PSD: variants seen among roughly 807,000 people sequenced by gnomAD.
PSD encodes PH and SEC7 domain-containing protein 1.
A neutral mutation model predicts 91.6 loss-of-function variants in PSD; 32 were observed. That is an observed-to-expected ratio of 0.35 (90% CI 0.26 to 0.47). PSD has a LOEUF of 0.47. Among genes scored for constraint, PSD ranks in the 20% least tolerant of loss-of-function variants. PSD has a pLI of 1.00. For missense variants in PSD, 1,099 were observed against 1,373.9 expected, an observed-to-expected ratio of 0.80 and a Z score of 3.16; for synonymous variants, 532 against 569.3, an observed-to-expected ratio of 0.93 and a Z score of 0.93.
intron 10 of PSD, among the ~76,000 whole-genome samples, chr10:102,407,791 A>G (rs909510522): frequency 1.3e-5 from 2 of 152,078 alleles, no homozygotes; most frequent in African/African-American, 2.4e-5. Flanking sequence ...ATACACTATC[A>G]TGGCTCCCAA....
At position 102,404,309 on chromosome 10, in the gene PSD, C is replaced by T. The variant is rs966143658; in HGVS notation, c.2700+274G>A. Among the ~76,000 whole-genome samples, 9 of 146,982 alleles carry T rather than the reference C, an allele frequency of 6.1e-5. No homozygotes were observed. Among genetic ancestry groups the T allele is most frequent in the Admixed American group, 3.5e-4 (5 of 14,368 alleles). On this transcript the variant is annotated intron_variant, in intron 15 of 16. Coordinates refer to ENST00000020673, the MANE Select transcript of PSD (RefSeq NM_002779.5). This position sits in a 1 kb window ranked among gnomAD's most constrained non-coding sequence, Gnocchi z 5.7. ...CTTGCAGTGAGCTGAGATCGTGCCA[C>T]GGCACTCCCACCTGGGCAACAGAGC... is the stretch of plus-strand genomic sequence containing the variant.
At position 102,415,045 on chromosome 10, in the gene PSD, G is replaced by T; in HGVS notation, c.942C>A (p.Ala314=). The change falls in exon 4 of 17, where the codon GCC becomes GCA. Residue 314 remains alanine (A), a synonymous_variant. Transcript: ENST00000020673. ...VLAEREEADS[A]IESQPSSEGP... ...CCTCAGAGCTGGGCTGACTTTCGAT[G>T]GCCGAGTCGGCCTCCTCCCGCTCAG... 2 of 1,613,918 alleles carry T rather than the reference G, an allele frequency of 1.2e-6. No individual in the cohort carries two copies. The highest frequency in any genetic ancestry group is 1.7e-6 in the Non-Finnish European group (2 of 1,179,904).
Position 102,413,752 on chromosome 10 carries a change from C to A in PSD, c.1553+17G>T, listed in dbSNP as rs777676632. The A allele has an allele frequency of 6.3e-7, 1 of 1,594,478 alleles. No individual in the cohort carries two copies. ...CCCTGGGGGCCTCAAGTCTGAGGGA[C>A]AAAAGGAATTACTTACCTGCCAAGG... On this transcript the variant is annotated intron_variant, in intron 5 of 16. Transcript: ENST00000020673.
intron 1 of PSD, among the ~76,000 whole-genome samples, chr10:102,417,669 C>T (rs1274342672): frequency 6.6e-6 from 1 of 151,756 alleles, no homozygotes; most frequent in Non-Finnish European, 1.5e-5. Flanking sequence ...GGCTCCTACC[C>T]CCAATATATA....
chr10:102,417,187 T>C, intron 1 of PSD, 66 bp from the exon 2 acceptor site: 1 of 587,792 alleles, frequency 1.7e-6, no homozygotes. Flanking sequence ...ACAGCAGAGA[T>C]AGGGAAGGGA....
chr10:102,408,842 GC>G lies in PSD; in HGVS notation c.2092-1577del, dbSNP rs1305355930. ...CCGCCCTCGGTGCCTCCCACAAGCC[GC>G]CCCCTCGGTCGCCCCGCAACCTGGC... On this transcript the variant is annotated intron_variant, in intron 10 of 16. Coordinates refer to ENST00000020673, the MANE Select transcript of PSD (RefSeq NM_002779.5). The G allele has an allele frequency of 8.2e-6, 8 of 977,232 alleles. No homozygotes were observed. In the African/African-American group the frequency reaches 1.1e-4, roughly 13 times the overall value. 60.5% of individuals were successfully genotyped at this position (977,232 alleles called of 1,614,324 possible).
chr10:102,418,951 C>T (rs866266652), upstream of PSD: 276 of 344,262 alleles, frequency 8.0e-4, 2 homozygotes, highest in South Asian at 2.6e-3. Context: ...AACCTAAGAC[C>T]CGCCCCAGAC....
chr10:102,418,568 G>T, intron 1 of PSD, 133 bp downstream of exon 1: 1 of 377,648 alleles, frequency 2.6e-6, no homozygotes, highest in Non-Finnish European at 5.5e-6. Context: ...ACCAGGTAAA[G>T]GGGCCTCTGG....
chr10:102,415,947 T>A, intron 3 of PSD, 70 bp downstream of exon 3: 2 of 1,198,278 alleles, frequency 1.7e-6, no homozygotes, highest in South Asian at 2.8e-5. Context: ...GAAGGAGGGC[T>A]CCCTACTGAG....
chr10:102,407,384 T>C (rs535252493), intron 10 of PSD, 118 bp from the exon 11 acceptor site: 10 of 611,638 alleles, frequency 1.6e-5, no homozygotes, highest in South Asian at 4.1e-5. Flanking sequence ...GGCAGCAAGA[T>C]ATAATGACCA....
At position 102,416,216 on chromosome 10, in the gene PSD, A is replaced by G; in HGVS notation, c.655-97T>C. 1 of 1,203,698 alleles carries G rather than the reference A, an allele frequency of 8.3e-7. No homozygotes were observed. Among genetic ancestry groups the G allele is most frequent in the African/African-American group, 1.5e-5 (1 of 65,846 alleles). The allele number at this position is 1,203,698 out of a possible 1,614,324, so 74.6% of individuals were successfully genotyped here. A position where few individuals can be genotyped will look rare whatever the true frequency, so the allele number is the denominator to read the frequency against. On this transcript the variant is annotated intron_variant, in intron 2 of 16. Coordinates refer to ENST00000020673, the MANE Select transcript of PSD (RefSeq NM_002779.5). The surrounding 1 kb of genome is among the most constrained non-coding windows in gnomAD (Gnocchi z 6.0). ...GAAACAGAAATTAAAACATGCATCG[A>G]CAGAGATGGAGGTTCAGAGACACAG... is the stretch of plus-strand genomic sequence containing the variant.
chr10:102,412,221 G>C lies in PSD; in HGVS notation c.1755C>G (p.Asp585Glu). ...ACTCCCCAGCCACCAGTTTGCTGAA[G>C]TCATTGCTGTGGGCAGGGCAGAGAG... ...DVARHLGKNN[D>E]FSKLVAGEYL... The change falls in exon 7 of 17, where the codon GAC becomes GAG. Residue 585 changes from aspartate to glutamate, a missense_variant. By Grantham distance (45) the Asp-to-Glu change is conservative (BLOSUM62 2). This residue lies in a region of PSD where 110 missense variants were observed against 218.7 expected (regional missense o/e 0.50). Coordinates refer to ENST00000020673, the MANE Select transcript of PSD (RefSeq NM_002779.5). The C allele has an allele frequency of 6.2e-7, 1 of 1,614,192 alleles. No homozygotes were observed. Among genetic ancestry groups the C allele is most frequent in the Non-Finnish European group, 8.5e-7 (1 of 1,180,020 alleles).
In PSD at chr10:102,409,179, C is replaced by G. The variant is rs558752022; in HGVS notation, c.2091+1679G>C. 1 of 981,176 alleles carries G rather than the reference C, an allele frequency of 1.0e-6. No individual in the cohort carries two copies. Among genetic ancestry groups the G allele is most frequent in the Admixed American group, 6.3e-5 (1 of 15,894 alleles). 60.8% of individuals were successfully genotyped at this position (981,176 alleles called of 1,614,324 possible). On this transcript the variant is annotated intron_variant, in intron 10 of 16. Transcript: ENST00000020673. The surrounding 1 kb of genome is among the most constrained non-coding windows in gnomAD (Gnocchi z 5.7). ...CCGCCCGGACGGCCCGCGGACCGCT[C>G]CCCCGACAGCCAGCGCGAGCGGCGC...
Position 102,413,783 on chromosome 10 carries a change from T to G in PSD, c.1539A>C (p.Ala513=), listed in dbSNP as rs952852086. 1.9e-6 allele frequency: 3 copies of G among 1,611,012 alleles called. No individual in the cohort carries two copies. Among genetic ancestry groups the G allele is most frequent in the Non-Finnish European group, 2.5e-6 (3 of 1,177,808 alleles). Reference sequence around the variant, plus strand: ...GAATTACTTACCTGCCAAGGGGTGCTGCCCCCAGCCCAAGGCTGTCCTCTG... The same window carrying G: ...GAATTACTTACCTGCCAAGGGGTGCGGCCCCCAGCCCAAGGCTGTCCTCTG... ...CHSEDSLGLG[A]APLGSEPPLS... The change falls in exon 5 of 17, where the codon GCA becomes GCC. Residue 513 remains alanine, a synonymous_variant. Transcript: ENST00000020673.
rs35284232 is a variant in PSD, at chr10:102,411,109, G to A, written c.1950C>T (p.Ala650=). The change falls in exon 9 of 17, where the codon GCC becomes GCT. Residue 650 remains alanine, a synonymous_variant. Transcript: ENST00000020673. ...NPEALSSEDG[A]HTLTCALMLL... ...GCATGAGCGCACAGGTCAGCGTGTG[G>A]GCGCCGTCTAGGGGAGAGCTGACTT... 121 of 1,608,896 alleles carry A rather than the reference G, an allele frequency of 7.5e-5. 1 individual carries two copies. In the African/African-American group the frequency reaches 1.6e-3, roughly 21 times the overall value.
At position 102,403,118 on chromosome 10, in the gene PSD, T is replaced by G; in HGVS notation, c.*82A>C. On this transcript the variant is annotated 3_prime_UTR_variant, in exon 17 of 17. Coordinates refer to ENST00000020673, the MANE Select transcript of PSD (RefSeq NM_002779.5). The surrounding 1 kb of genome is among the most constrained non-coding windows in gnomAD (Gnocchi z 6.7). The stretch of plus-strand genomic sequence containing the variant: ...CCCTAGGCCGGGAGGCCCTCGTGGG[T>G]GGCCCGAGGCCGGCCCGGGCTCAGG... The G allele has an allele frequency of 1.7e-6, 2 of 1,185,238 alleles. No homozygotes were observed. The highest frequency in any genetic ancestry group is 2.3e-6 in the Non-Finnish European group (2 of 886,548). The allele number at this position is 1,185,238 out of a possible 1,614,324, so 73.4% of individuals were successfully genotyped here.
rs2061397163 is a variant in PSD, at chr10:102,409,067, C to T, written c.2091+1791G>A. On this transcript the variant is annotated intron_variant, in intron 10 of 16. Transcript: ENST00000020673. This position sits in a 1 kb window ranked among gnomAD's most constrained non-coding sequence, Gnocchi z 5.7. ...GCGCGAGCGCAGCCGCCCGGCGCTG[C>T]TGTGGATGCTGTTGACGCCGATCAT... 1.2e-5 allele frequency: 12 copies of T among 985,470 alleles called. No individual in the cohort carries two copies. Among genetic ancestry groups the T allele is most frequent in the Non-Finnish European group, 1.3e-5 (11 of 829,844 alleles). 61.0% of individuals were successfully genotyped at this position (985,470 alleles called of 1,614,324 possible).
Position 102,404,026 on chromosome 10 carries a change from T to C in PSD, c.2701-41A>G. ...AGGCATGGTCATGGTCACTCTGCCCTATACAGTGCCTCTGCAGATTTTTAA... is the reference window on the plus strand; with the variant it reads ...AGGCATGGTCATGGTCACTCTGCCCCATACAGTGCCTCTGCAGATTTTTAA... On this transcript the variant is annotated intron_variant, in intron 15 of 16. Coordinates refer to ENST00000020673, the MANE Select transcript of PSD (RefSeq NM_002779.5). The surrounding 1 kb of genome is among the most constrained non-coding windows in gnomAD (Gnocchi z 5.7). The C allele has an allele frequency of 6.6e-7, 1 of 1,504,882 alleles. No homozygotes were observed. The highest frequency in any genetic ancestry group is 2.1e-5 in the Admixed American group (1 of 46,708). The allele number at this position is 1,504,882 out of a possible 1,614,324, so 93.2% of individuals were successfully genotyped here.
chr10:102,411,945 G>A (rs985134668), intron 7 of PSD, 126 bp from the exon 8 acceptor site: 5 of 895,690 alleles, frequency 5.6e-6, no homozygotes, highest in South Asian at 2.7e-5. Context: ...GGGGATGAGG[G>A]TATGCACCCT....
Sources: allele counts gnomAD v4.1 joint callset (sites outside exome capture counted in the v4.1 genomes callset), GRCh38; gene constraint gnomAD v4.1.1; regional missense constraint gnomAD v4.1.1; non-coding constraint Gnocchi (gnomAD v3.1); transcripts MANE v1.5; gene names NCBI Gene and HGNC (gene_info 2026-07-23, HGNC 2026-07-21).